Variants in CBFA2T2 observed in about 807,000 individuals in gnomAD.
The protein encoded by CBFA2T2 is protein CBFA2T2.
In CBFA2T2, 11 loss-of-function variants were observed where a neutral mutation model predicts 62.2. The ratio of observed to expected loss-of-function variants is 0.18; its 90% CI spans 0.11 to 0.29. The LOEUF is 0.29. CBFA2T2 is among the 10% of genes least tolerant of loss of function. The probability of loss-of-function intolerance (pLI) is 1.00; values close to 1 mark genes in which losing one functional copy is unlikely to be tolerated. For synonymous variants in CBFA2T2, 295 were observed against 287.5 expected, an observed-to-expected ratio of 1.03 and a Z score of -0.27; for missense variants, 592 against 774.1, an observed-to-expected ratio of 0.76 and a Z score of 2.79.
intron 1 of CBFA2T2, among the ~76,000 whole-genome samples, chr20:33,585,709 C>G (rs527264415): frequency 6.6e-6 from 1 of 152,120 alleles, no homozygotes; most frequent in Non-Finnish European, 1.5e-5. Flanking sequence ...TATTTCTGTG[C>G]TTTTTGTACC....
At position 33,644,652 on chromosome 20, in the gene CBFA2T2, G is replaced by A. The variant is rs377290326; in HGVS notation, c.*6G>A. 1.1e-5 allele frequency: 17 copies of A among 1,592,644 alleles called. No individual in the cohort carries two copies. The highest frequency in any genetic ancestry group is 9.4e-5 in the African/African-American group (7 of 74,636). ...TCGACACCAACGGACTCTGAGCCCC[G>A]GACTCTGCTTACCCTGATGGCTGCT... On this transcript the variant is annotated 3_prime_UTR_variant, in exon 11 of 11. Transcript: ENST00000342704.
At chr20:33,640,162 A>G (rs940229729) in intron 9 of CBFA2T2, among the ~76,000 whole-genome samples, 179 bp from the exon 10 acceptor site, 6 of 152,136 alleles carry the variant, frequency 3.9e-5, no homozygotes, top group Non-Finnish European at 7.3e-5. Flanking sequence ...GCCCACCTCC[A>G]TCTCCGTACC....
intron 1 of CBFA2T2, among the ~76,000 whole-genome samples, chr20:33,594,943 A>T: frequency 6.6e-6 from 1 of 152,234 alleles, no homozygotes; most frequent in East Asian, 1.9e-4. Context: ...GATGGTGTGC[A>T]GTTGGAGTAG....
chr20:33,628,469 C>A (rs2016332900), intron 7 of CBFA2T2, 34 bp downstream of exon 7: 1 of 1,443,152 alleles, frequency 6.9e-7, no homozygotes, highest in African/African-American at 1.4e-5. Flanking sequence ...GTCCCTAACT[C>A]TTTATTACTT....
At chr20:33,560,890 T>C (rs1306931762) in intron 1 of CBFA2T2, among the ~76,000 whole-genome samples, 4 of 152,196 alleles carry the variant, frequency 2.6e-5, no homozygotes, top group Admixed American at 2.6e-4. Flanking sequence ...GCTTTTGCTT[T>C]TTTTTTGAGA....
In CBFA2T2 at chr20:33,629,927, T is replaced by A. The variant is rs776305811; in HGVS notation, c.1228+13T>A. On this transcript the variant is annotated intron_variant, in intron 8 of 10. Transcript: ENST00000342704. ...TCTCTCAGCAATGGTAAGGGGAGAG[T>A]CTACGGGAAACCCAAAATAAATGTC... 9.5e-6 allele frequency: 15 copies of A among 1,586,292 alleles called. No homozygotes were observed. Among genetic ancestry groups the A allele is most frequent in the Middle Eastern group, 1.8e-4 (1 of 5,544 alleles).
chr20:33,608,027 T>C (rs1227691448), intron 2 of CBFA2T2, among the ~76,000 whole-genome samples: 1 of 152,226 alleles, frequency 6.6e-6, no homozygotes, highest in Non-Finnish European at 1.5e-5. Context: ...ACTTGAACAC[T>C]CATACAATGC....
chr20:33,519,415 A>G (rs983864824), intron 1 of CBFA2T2, among the ~76,000 whole-genome samples: 22 of 152,222 alleles, frequency 1.4e-4, no homozygotes, highest in African/African-American at 5.1e-4. Flanking sequence ...GGTTGCAATG[A>G]GTCGAGATTG....
chr20:33,626,438 G>A (rs1404947860), intron 6 of CBFA2T2, among the ~76,000 whole-genome samples: 2 of 152,170 alleles, frequency 1.3e-5, no homozygotes, highest in East Asian at 1.9e-4. Flanking sequence ...TGATTGTAAC[G>A]CCACCCCCTG....
At position 33,629,666 on chromosome 20, in the gene CBFA2T2, T is replaced by G. The variant is rs2016378571; in HGVS notation, c.1033-53T>G. The stretch of plus-strand genomic sequence containing the variant: ...ATTGCGTTGGCCTGATTTACAGTGT[T>G]GGTTGTTTGAATGTTCTTATCTCAT... On this transcript the variant is annotated intron_variant, in intron 7 of 10. Coordinates refer to ENST00000342704, the MANE Select transcript of CBFA2T2 (RefSeq NM_001032999.3). The G allele has an allele frequency of 6.6e-6, 10 of 1,507,232 alleles. No homozygotes were observed. In the Admixed American group the frequency reaches 2.0e-4, roughly 30 times the overall value. 93.4% of individuals were successfully genotyped at this position (1,507,232 alleles called of 1,614,324 possible). A position where few individuals can be genotyped will look rare whatever the true frequency, so the allele number is the denominator to read the frequency against.
chr20:33,553,368 A>G (rs539456166), intron 1 of CBFA2T2, among the ~76,000 whole-genome samples: 102 of 152,300 alleles, frequency 6.7e-4, no homozygotes, highest in Non-Finnish European at 1.2e-3. Flanking sequence ...CTGGGACTAC[A>G]GGTGCACGCC....
intron 1 of CBFA2T2, among the ~76,000 whole-genome samples, chr20:33,506,300 T>G (rs926974788): frequency 6.6e-6 from 1 of 152,080 alleles, no homozygotes; most frequent in Admixed American, 6.6e-5. Context: ...AGAAGCAATT[T>G]AATACAAGAG....
intron 10 of CBFA2T2, 50 bp from the exon 11 acceptor site, chr20:33,644,297 A>G (rs944221159): frequency 6.4e-7 from 1 of 1,569,928 alleles, no homozygotes; most frequent in African/African-American, 1.3e-5. Flanking sequence ...ATGAATGGCA[A>G]GCCTGCCCCT....
chr20:33,521,944 G>A (rs1297353423), intron 1 of CBFA2T2, among the ~76,000 whole-genome samples: 5 of 151,680 alleles, frequency 3.3e-5, no homozygotes, highest in Admixed American at 1.3e-4. Flanking sequence ...TTTCCAGCTC[G>A]TTAACTTCTC....
intron 1 of CBFA2T2, among the ~76,000 whole-genome samples, chr20:33,553,179 A>G (rs988028781): frequency 6.6e-6 from 1 of 152,168 alleles, no homozygotes; most frequent in Admixed American, 6.6e-5. Flanking sequence ...TTTGAGTATT[A>G]GAACTTTTTT....
chr20:33,554,605 T>C (rs532502681), intron 1 of CBFA2T2, among the ~76,000 whole-genome samples: 35 of 141,684 alleles, frequency 2.5e-4, no homozygotes, highest in Middle Eastern at 3.5e-3. Flanking sequence ...CTTTTCTTTT[T>C]TTTTTTTTTT....
intron 1 of CBFA2T2, among the ~76,000 whole-genome samples, chr20:33,585,708 G>A (rs2014333310): frequency 6.6e-6 from 1 of 152,100 alleles, no homozygotes; most frequent in African/African-American, 2.4e-5. Flanking sequence ...TTATTTCTGT[G>A]CTTTTTGTAC....
intron 1 of CBFA2T2, among the ~76,000 whole-genome samples, chr20:33,521,987 A>G (rs920522643): frequency 3.3e-5 from 5 of 152,082 alleles, no homozygotes; most frequent in Non-Finnish European, 5.9e-5. Flanking sequence ...ACTTATAAAT[A>G]GTAGTATATA....
chr20:33,630,354 CAG>C (rs777637447), intron 8 of CBFA2T2, among the ~76,000 whole-genome samples: 2 of 152,174 alleles, frequency 1.3e-5, no homozygotes, highest in African/African-American at 2.4e-5. Flanking sequence ...AGGTGTTGGT[CAG>C]AGTGTTTGGT....
Sources: gnomAD v4.1 joint callset for allele counts (sites outside exome capture counted in the v4.1 genomes callset) on GRCh38, gnomAD v4.1.1 for gene constraint, MANE v1.5 for transcripts, NCBI Gene and HGNC (gene_info 2026-07-23, HGNC 2026-07-21) for gene names.